UPF2: variants seen among roughly 807,000 people sequenced by gnomAD.
UPF2 encodes the protein regulator of nonsense transcripts 2.
In UPF2, 17 loss-of-function variants were observed where a neutral mutation model predicts 141.4. The observed-to-expected ratio is 0.12, with a 90% confidence interval of 0.08 to 0.18. The LOEUF (loss-of-function observed/expected upper bound fraction) is 0.18, where lower values mean the gene tolerates loss of function less well. UPF2 is among the 10% of genes least tolerant of loss of function. The pLI, the probability that UPF2 is intolerant of heterozygous loss-of-function variation, is 1.00. For synonymous variants in UPF2, 540 were observed against 498.0 expected (o/e 1.08, Z -1.12); for missense variants, 1,152 against 1,515.9 (o/e 0.76, Z 3.99).
rs1204744093 is a variant in UPF2, at chr10:11,938,842, G to GTTTTTTT, written c.3379-2137_3379-2131dup. ...GTCCTAGCCATGTGGTCTTAAGCAA[G>GTTTTTTT]TTTTTTTTTTGTTTTTTTTTTTTTT... On this transcript the variant is annotated intron_variant, in intron 18 of 21. Transcript: ENST00000357604. Among the ~76,000 whole-genome samples the GTTTTTTT allele has an allele frequency of 1.3e-3, 61 of 45,850 alleles. 4 individuals carry two copies. Among genetic ancestry groups the GTTTTTTT allele is most frequent in the Middle Eastern group, 0.017 (1 of 58 alleles). The allele number at this position is 45,850 out of a possible 152,430, so 30.1% of individuals were successfully genotyped here. A position where few individuals can be genotyped will look rare whatever the true frequency, so the allele number is the denominator to read the frequency against.
At chr10:11,997,863 T>C (rs1833888890) in intron 7 of UPF2, 106 bp from the exon 8 acceptor site, 4 of 1,165,628 alleles carry the variant, frequency 3.4e-6, no homozygotes, top group Non-Finnish European at 4.9e-6. Flanking sequence ...CATTTCAAAA[T>C]GGTTTTAAGA....
chr10:11,931,646 T>A lies in UPF2; in HGVS notation c.3683A>T (p.Tyr1228Phe). The A allele has an allele frequency of 6.3e-7, 1 of 1,599,318 alleles. No individual in the cohort carries two copies. The highest frequency in any genetic ancestry group is 8.5e-7 in the Non-Finnish European group (1 of 1,176,558). ...DINERQEQED[Y>F]QEMLQSLAQR... ...TCTTATAGATGATTTTATACCTTGA[T>A]AATCTTCTTGTTCTTGCCGTTCATT... Residue 1228 changes from tyrosine to phenylalanine, a missense_variant, in exon 20 of 22, where the codon TAT becomes TTT. Tyr to Phe is a conservative substitution (Grantham distance 22). Transcript: ENST00000357604. This position sits in a 1 kb window ranked among gnomAD's most constrained non-coding sequence, Gnocchi z 5.9.
intron 8 of UPF2, among the ~76,000 whole-genome samples, chr10:11,985,645 CA>C (rs1347731445): frequency 2.1e-5 from 3 of 146,166 alleles, no homozygotes; most frequent in African/African-American, 7.5e-5. Flanking sequence ...AACAAACAAA[CA>C]AAAAAAAAGA....
chr10:12,005,604 T>C (rs1336034103), intron 4 of UPF2, among the ~76,000 whole-genome samples: 2 of 152,216 alleles, frequency 1.3e-5, no homozygotes, highest in Non-Finnish European at 2.9e-5. Flanking sequence ...AGTTTTACTC[T>C]GTCACCCAGG....
chr10:11,942,802 T>A, intron 17 of UPF2, 39 bp from the exon 18 acceptor site: 1 of 1,586,142 alleles, frequency 6.3e-7, no homozygotes, highest in African/African-American at 1.3e-5. Flanking sequence ...CCAGAAATTT[T>A]AACTGTAATG....
intron 9 of UPF2, among the ~76,000 whole-genome samples, chr10:11,978,135 C>G (rs950799955): frequency 6.6e-6 from 1 of 152,198 alleles, no homozygotes; most frequent in Non-Finnish European, 1.5e-5. Flanking sequence ...AACCTTGTGT[C>G]CTCAACTACA....
chr10:12,029,368 A>G lies in UPF2; in HGVS notation c.522T>C (p.Phe174=). The change falls in exon 3 of 22, where the codon TTT becomes TTC. Residue 174 remains phenylalanine, a synonymous_variant. Coordinates refer to ENST00000357604, the MANE Select transcript of UPF2 (RefSeq NM_015542.4). ...LDSSLKKNTA[F]VKKLKTITEQ... is the part of the protein sequence containing the mutation. ...CTGTAATAGTTTTTAGTTTCTTGAC[A>G]AAAGCAGTATTTTTCTTCAAACTTG... 2.5e-6 allele frequency: 4 copies of G among 1,614,226 alleles called. No individual in the cohort carries two copies. The East Asian group carries it at 8.9e-5, about 36-fold the overall frequency.
intron 3 of UPF2, among the ~76,000 whole-genome samples, chr10:12,024,948 A>AC: frequency 6.7e-6 from 1 of 150,240 alleles, no homozygotes; most frequent in Non-Finnish European, 1.5e-5. Flanking sequence ...AAAAAAAAAA[A>AC]AAAAAAAAAC....
chr10:12,039,298 T>C (rs1168723701), intron 1 of UPF2, among the ~76,000 whole-genome samples: 1 of 152,108 alleles, frequency 6.6e-6, no homozygotes, highest in Non-Finnish European at 1.5e-5. Context: ...AGTACCAAAT[T>C]GTGAGATGGG....
At chr10:11,949,505 T>C (rs61454286) in intron 15 of UPF2, among the ~76,000 whole-genome samples, 4,792 of 152,328 alleles carry the variant, frequency 0.031, 238 homozygotes, top group African/African-American at 0.11. Context: ...TTTGATGATA[T>C]AGCATGTTGT....
Position 11,931,875 on chromosome 10 carries a change from G to C in UPF2, c.3547-93C>G. 3.6e-6 allele frequency: 5 copies of C among 1,407,674 alleles called. No individual in the cohort carries two copies. Among genetic ancestry groups the C allele is most frequent in the Non-Finnish European group, 4.8e-6 (5 of 1,046,458 alleles). The allele number at this position is 1,407,674 out of a possible 1,614,324, so 87.2% of individuals were successfully genotyped here. On this transcript the variant is annotated intron_variant, in intron 19 of 21. Coordinates refer to ENST00000357604, the MANE Select transcript of UPF2 (RefSeq NM_015542.4). This position sits in a 1 kb window ranked among gnomAD's most constrained non-coding sequence, Gnocchi z 5.9. The stretch of plus-strand genomic sequence containing the variant: ...AAATAAAATAGCAAGTACAGGCTGG[G>C]CACGGTGGCTCACGCCTGTAATCCC...
In UPF2 at chr10:11,921,655, C is replaced by G. The variant is rs549207105; in HGVS notation, c.3810-348G>C. Among the ~76,000 whole-genome samples the G allele has an allele frequency of 6.6e-6, 1 of 152,226 alleles. No individual in the cohort carries two copies. The highest frequency in any genetic ancestry group is 1.5e-5 in the Non-Finnish European group (1 of 68,026). ...CATTTTTTACCAGGGACTTGAATGT[C>G]TGTGCATTTTGGTGTCTGAGGGGAT... is the stretch of plus-strand genomic sequence containing the variant. On this transcript the variant is annotated intron_variant, in intron 21 of 21. Coordinates refer to ENST00000357604, the MANE Select transcript of UPF2 (RefSeq NM_015542.4). The surrounding 1 kb of genome is among the most constrained non-coding windows in gnomAD (Gnocchi z 5.9).
At chr10:11,974,172 CCT>C (rs1269622730) in intron 9 of UPF2, among the ~76,000 whole-genome samples, 1 of 151,396 alleles carries the variant, frequency 6.6e-6, no homozygotes, top group South Asian at 2.1e-4. Context: ...TCATGATTTG[CCT>C]CTCTGTTTGT....
chr10:11,925,010 G>C (rs1019943084), intron 21 of UPF2, among the ~76,000 whole-genome samples: 5 of 152,018 alleles, frequency 3.3e-5, no homozygotes, highest in Non-Finnish European at 7.4e-5. Flanking sequence ...GTAGAGACGG[G>C]GTTTCACCAT....
At chr10:12,030,371 TAAA>T (rs1834496591) in intron 2 of UPF2, among the ~76,000 whole-genome samples, 1 of 151,782 alleles carries the variant, frequency 6.6e-6, no homozygotes, top group Non-Finnish European at 1.5e-5. Context: ...CCGTCTCTAC[TAAA>T]AATACAAAAA....
intron 15 of UPF2, among the ~76,000 whole-genome samples, chr10:11,951,793 AGG>A (rs1391317608): frequency 6.6e-6 from 1 of 152,234 alleles, no homozygotes. Flanking sequence ...AAAGTAAGAG[AGG>A]TAGACAGGAT....
At position 12,029,340 on chromosome 10, in the gene UPF2, G is replaced by T; in HGVS notation, c.550C>A (p.Gln184Lys). ...FVKKLKTITE[Q>K]QRDSLSHDFN... ...TCATGGGACAAGGAGTCTCTCTGTT[G>T]TTCTGTAATAGTTTTTAGTTTCTTG... The change falls in exon 3 of 22, where the codon CAA becomes AAA. Residue 184 changes from glutamine (Q) to lysine (K), a missense_variant. By Grantham distance (53) the Gln-to-Lys change is moderately conservative. Around this residue, in one of 4 missense-constraint regions of UPF2, gnomAD observed 739 missense variants for 1,032.2 expected, o/e 0.72. Coordinates refer to ENST00000357604, the MANE Select transcript of UPF2 (RefSeq NM_015542.4). The T allele has an allele frequency of 1.2e-6, 2 of 1,614,160 alleles. No individual in the cohort carries two copies. The highest frequency in any genetic ancestry group is 1.7e-6 in the Non-Finnish European group (2 of 1,180,030).
intron 9 of UPF2, among the ~76,000 whole-genome samples, chr10:11,978,714 C>T (rs1415446732): frequency 1.3e-5 from 2 of 152,142 alleles, no homozygotes; most frequent in Admixed American, 6.6e-5. Context: ...GCACCACACC[C>T]GGACTCATGG....
In UPF2 at chr10:12,001,908, T is replaced by C. The variant is rs1038212025; in HGVS notation, c.1505-83A>G. ...CAAAAGTAGATTAAGACTCACAAAA[T>C]CTGCAGGTTCTTTTAGAAGCTGCAT... On this transcript the variant is annotated intron_variant, in intron 5 of 21. Transcript: ENST00000357604. 85 of 1,296,184 alleles carry C rather than the reference T, an allele frequency of 6.6e-5. No homozygotes were observed. In the African/African-American group the frequency reaches 1.2e-3, roughly 18 times the overall value. 80.3% of individuals were successfully genotyped at this position (1,296,184 alleles called of 1,614,324 possible).
Sources: allele counts gnomAD v4.1 joint callset (sites outside exome capture counted in the v4.1 genomes callset), GRCh38; gene constraint gnomAD v4.1.1; regional missense constraint gnomAD v4.1.1; non-coding constraint Gnocchi (gnomAD v3.1); transcripts MANE v1.5; gene names NCBI Gene and HGNC (gene_info 2026-07-23, HGNC 2026-07-21).